ATIC: variants seen among roughly 807,000 people sequenced by gnomAD.
ATIC encodes the protein 5-aminoimidazole-4-carboxamide ribonucleotide formyltransferase/IMP cyclohydrolase, also known as bifunctional purine biosynthesis protein ATIC.
In ATIC, 64 loss-of-function variants were observed where a neutral mutation model predicts 72.5. That is an observed-to-expected ratio of 0.88 (90% CI 0.72 to 1.09). The LOEUF (loss-of-function observed/expected upper bound fraction) is 1.09. Among genes scored for constraint, ATIC ranks in the 50% least tolerant of loss-of-function variants. The probability of loss-of-function intolerance (pLI) is 0.00; values close to 1 mark genes in which losing one functional copy is unlikely to be tolerated. For missense variants in ATIC, 787 were observed against 732.4 expected (o/e 1.07, Z -0.86); for synonymous variants, 281 against 267.1 (o/e 1.05, Z -0.51).
chr2:215,361,654 A>C, the ATIC span: 1 of 1,534,960 alleles, frequency 6.5e-7, no homozygotes, highest in Admixed American at 1.7e-5. Flanking sequence ...GGAAAAAAAA[A>C]TTAGTGGCAA....
chr2:215,358,514 A>G, the ATIC span, among the ~76,000 whole-genome samples: 2 of 152,204 alleles, frequency 1.3e-5, no homozygotes, highest in Non-Finnish European at 2.9e-5. Flanking sequence ...TTATCAAGCC[A>G]TGCTAAAAGT....
At chr2:215,365,577 G>A in the ATIC span, 1 of 1,613,818 alleles carries the variant, frequency 6.2e-7, no homozygotes, top group Non-Finnish European at 8.5e-7. Context: ...TTTTCTCCCT[G>A]ACGGTCCCAC....
chr2:215,362,123 C>G, the ATIC span: 1 of 1,411,988 alleles, frequency 7.1e-7, no homozygotes, highest in Non-Finnish European at 1.0e-6. Context: ...TTATGATAAC[C>G]TGAGGACATC....
chr2:215,336,477 C>T (rs1479795299), intron 11 of ATIC, among the ~76,000 whole-genome samples: 2 of 152,154 alleles, frequency 1.3e-5, no homozygotes, highest in Non-Finnish European at 2.9e-5. Context: ...GTAGTAAGAC[C>T]ATGTCTCTAA....
chr2:215,362,777 CT>C, the ATIC span: 1 of 152,964 alleles, frequency 6.5e-6, no homozygotes, highest in African/African-American at 2.4e-5. Context: ...TCTTTCACTA[CT>C]GTTCTTAAGC....
chr2:215,327,861 C>G (rs2052846069), intron 7 of ATIC, among the ~76,000 whole-genome samples: 1 of 149,924 alleles, frequency 6.7e-6, no homozygotes, highest in African/African-American at 2.5e-5. Flanking sequence ...TTCACGTTTG[C>G]CGCGTTCTAT....
chr2:215,365,033 T>C, the ATIC span: 1 of 1,221,200 alleles, frequency 8.2e-7, no homozygotes, highest in East Asian at 2.5e-5. Context: ...AGAACAATAC[T>C]GCAGACTTGA....
At chr2:215,364,739 GC>G in the ATIC span, 1 of 694,684 alleles carries the variant, frequency 1.4e-6, no homozygotes, top group Non-Finnish European at 2.6e-6. Flanking sequence ...CTCTATGTCA[GC>G]AGTTGTATGC....
intron 2 of ATIC, among the ~76,000 whole-genome samples, chr2:215,313,815 T>A (rs187130289): frequency 6.6e-6 from 1 of 152,308 alleles, no homozygotes; most frequent in Non-Finnish European, 1.5e-5. Context: ...TTTTGCGTCT[T>A]GTCTCTGTGG....
chr2:215,320,352 G>T (rs1254115059), intron 4 of ATIC, among the ~76,000 whole-genome samples: 1 of 152,152 alleles, frequency 6.6e-6, no homozygotes, highest in African/African-American at 2.4e-5. Flanking sequence ...TGCTATAAAG[G>T]AATACTAGAA....
chr2:215,330,679 C>T (rs1214770341), intron 7 of ATIC, among the ~76,000 whole-genome samples: 3 of 152,072 alleles, frequency 2.0e-5, no homozygotes, highest in African/African-American at 4.8e-5. Context: ...TTCTCCCCAA[C>T]CCTTTGCAAC....
chr2:215,365,291 T>C, the ATIC span, among the ~76,000 whole-genome samples: 1 of 152,140 alleles, frequency 6.6e-6, no homozygotes, highest in South Asian at 2.1e-4. Flanking sequence ...AATACTCAGG[T>C]TGGACAAGTG....
intron 4 of ATIC, among the ~76,000 whole-genome samples, chr2:215,321,892 C>T (rs1455130761): frequency 6.6e-6 from 1 of 151,584 alleles, no homozygotes; most frequent in East Asian, 1.9e-4. Context: ...TTGATGGTTT[C>T]CTTTGATCAT....
intron 14 of ATIC, chr2:215,347,317 A>T: frequency 5.3e-6 from 2 of 374,612 alleles, no homozygotes; most frequent in South Asian, 4.5e-5. Context: ...GTCTGTATTC[A>T]ACATTAAATA....
chr2:215,338,977 T>C, intron 12 of ATIC, 70 bp downstream of exon 12: 1 of 1,593,624 alleles, frequency 6.3e-7, no homozygotes, highest in Non-Finnish European at 8.6e-7. Flanking sequence ...TTAATGAGCT[T>C]TACATTTATT....
chr2:215,338,673 A>G, intron 11 of ATIC, 106 bp from the exon 12 acceptor site: 1 of 1,177,480 alleles, frequency 8.5e-7, no homozygotes, highest in South Asian at 1.5e-5. Context: ...AAAATTAGAA[A>G]CATGCATATA....
intron 2 of ATIC, among the ~76,000 whole-genome samples, chr2:215,313,078 CAGAG>C: frequency 6.6e-6 from 1 of 152,298 alleles, no homozygotes; most frequent in East Asian, 1.9e-4. Flanking sequence ...TCCTGGGTGA[CAGAG>C]AAAGACCCTG....
chr2:215,335,969 C>T, intron 10 of ATIC, 66 bp from the exon 11 acceptor site: 1 of 1,277,480 alleles, frequency 7.8e-7, no homozygotes, highest in Non-Finnish European at 1.1e-6. Flanking sequence ...ATAATTGCTG[C>T]TAGATTTTTT....
intron 13 of ATIC, chr2:215,345,660 A>G (rs1283711371): frequency 6.6e-6 from 1 of 152,458 alleles, no homozygotes; most frequent in African/African-American, 2.4e-5. Context: ...GAATTAGCCT[A>G]TGGCCTGGAA....
Sources: allele counts gnomAD v4.1 joint callset (sites outside exome capture counted in the v4.1 genomes callset), GRCh38; gene constraint gnomAD v4.1.1; transcripts MANE v1.5; gene names NCBI Gene and HGNC (gene_info 2026-07-23, HGNC 2026-07-21).